The following NOS1AP variants were observed in gnomAD, a reference collection of about 807,000 sequenced individuals.
NOS1AP encodes carboxyl-terminal PDZ ligand of neuronal nitric oxide synthase protein.
Under a neutral mutation model 56.2 loss-of-function variants are expected in NOS1AP, and 21 were observed. That is an observed-to-expected ratio of 0.37 (90% CI 0.26 to 0.54). NOS1AP has a LOEUF of 0.54. Among genes scored for constraint, NOS1AP ranks in the 20% least tolerant of loss-of-function variants. NOS1AP has a pLI of 0.84. For missense variants in NOS1AP, 522 were observed against 657.8 expected (o/e 0.79, Z 2.26); for synonymous variants, 270 against 274.6 (o/e 0.98, Z 0.17).
intron 7 of NOS1AP, 138 bp downstream of exon 7, chr1:162,355,491 C>A: frequency 9.4e-7 from 1 of 1,060,482 alleles, no homozygotes; most frequent in Non-Finnish European, 1.4e-6. Flanking sequence ...CACTTCATTG[C>A]CTTTCAGAAG....
rs1201083078 is a variant in NOS1AP at position 162,367,192 on chromosome 1, G to A, written c.1246G>A (p.Gly416Ser). 1 of 1,613,894 alleles carries A rather than the reference G, an allele frequency of 6.2e-7. No individual in the cohort carries two copies. Among genetic ancestry groups the A allele is most frequent in the Non-Finnish European group, 8.5e-7 (1 of 1,179,970 alleles). The change falls in exon 10 of 10, where the codon GGC becomes AGC. Residue 416 changes from glycine to serine, a missense_variant. Gly to Ser is a moderately conservative substitution (Grantham distance 56). This residue lies in a region of NOS1AP where 160 missense variants were observed against 180.3 expected (regional missense o/e 0.89). Transcript: ENST00000361897. The surrounding 1 kb of genome is among the most constrained non-coding windows in gnomAD (Gnocchi z 6.5). ...CTTGGCTGACTTTGCCCACCCTGCG[G>A]GCAGCCCCTTAGGTAGGCGCGACTG... is the stretch of plus-strand genomic sequence containing the variant. ...AGLADFAHPAGSPLGRRDCLV... is the reference protein window; with the variant it reads ...AGLADFAHPASSPLGRRDCLV...
intron 2 of NOS1AP, among the ~76,000 whole-genome samples, chr1:162,178,550 C>G (rs1055066071): frequency 3.3e-5 from 5 of 152,030 alleles, no homozygotes; most frequent in African/African-American, 9.7e-5. Flanking sequence ...TGAGGAGACT[C>G]AGGCACAGGA....
At chr1:162,092,066 A>C (rs953057591) in intron 1 of NOS1AP, among the ~76,000 whole-genome samples, 1 of 152,224 alleles carries the variant, frequency 6.6e-6, no homozygotes, top group African/African-American at 2.4e-5. Context: ...TGACTAGTTC[A>C]AGGCTGTGGA....
chr1:162,130,372 AC>A (rs780137979), intron 1 of NOS1AP, among the ~76,000 whole-genome samples: 14 of 152,158 alleles, frequency 9.2e-5, no homozygotes, highest in Non-Finnish European at 1.5e-4. Context: ...TTTTTATTTC[AC>A]CCCAGTGGTC....
intron 2 of NOS1AP, among the ~76,000 whole-genome samples, chr1:162,265,141 T>A (rs1397163228): frequency 6.6e-6 from 1 of 152,062 alleles, no homozygotes; most frequent in African/African-American, 2.4e-5. Flanking sequence ...TATCTATATT[T>A]TAAATTCTAT....
At chr1:162,127,764 T>C (rs1159907851) in intron 1 of NOS1AP, among the ~76,000 whole-genome samples, 1 of 152,142 alleles carries the variant, frequency 6.6e-6, no homozygotes, top group Non-Finnish European at 1.5e-5. Context: ...CAGTACCAAA[T>C]GGAATGGTGC....
intron 8 of NOS1AP, chr1:162,364,279 T>C (rs1159082033): frequency 1.0e-6 from 1 of 985,342 alleles, no homozygotes; most frequent in Non-Finnish European, 1.2e-6. Context: ...ATGGTTTTGG[T>C]ACAAGAACAC....
chr1:162,306,963 CAAA>C (rs5778264), intron 4 of NOS1AP, among the ~76,000 whole-genome samples: 1 of 142,130 alleles, frequency 7.0e-6, no homozygotes, highest in Admixed American at 7.0e-5. Flanking sequence ...ACTTTTGTCT[CAAA>C]AAAAAAAAAA....
intron 2 of NOS1AP, among the ~76,000 whole-genome samples, chr1:162,281,123 C>T (rs888885132): frequency 1.3e-5 from 2 of 152,296 alleles, no homozygotes; most frequent in East Asian, 3.9e-4. Context: ...ATAATGACAG[C>T]TCTACAGGAT....
chr1:162,236,364 G>A (rs565401585), intron 2 of NOS1AP, among the ~76,000 whole-genome samples: 2 of 152,242 alleles, frequency 1.3e-5, no homozygotes, highest in South Asian at 4.1e-4. Flanking sequence ...TTACAGATAC[G>A]ATCTCACTTA....
intron 2 of NOS1AP, among the ~76,000 whole-genome samples, chr1:162,210,119 G>T (rs1415997498): frequency 7.9e-5 from 12 of 152,228 alleles, no homozygotes. Context: ...CTGAAAGACT[G>T]ATTATATGGG....
intron 1 of NOS1AP, among the ~76,000 whole-genome samples, chr1:162,140,549 G>T (rs1020685240): frequency 6.6e-6 from 1 of 152,108 alleles, no homozygotes; most frequent in African/African-American, 2.4e-5. Flanking sequence ...GTTCACTGTC[G>T]ATGGACACCT....
rs541232640 is a variant in NOS1AP, at chr1:162,202,195, A to G, written c.177+47719A>G. ...TATATGAAGAAGAAGAATGAATTTC[A>G]TTTTGGATGGGGTAGCTTTACTGAG... On this transcript the variant is annotated intron_variant, in intron 2 of 9. Coordinates refer to ENST00000361897, the MANE Select transcript of NOS1AP (RefSeq NM_014697.3). Among the ~76,000 whole-genome samples the G allele has an allele frequency of 9.8e-5, 15 of 152,294 alleles. No homozygotes were observed. The South Asian group carries it at 2.3e-3, about 23-fold the overall frequency.
intron 4 of NOS1AP, among the ~76,000 whole-genome samples, chr1:162,320,965 G>A (rs1222115566): frequency 6.6e-6 from 1 of 152,092 alleles, no homozygotes; most frequent in East Asian, 1.9e-4. Context: ...TTTGCCAATG[G>A]CCTGGAAGTA....
At chr1:162,288,843 T>G (rs553456544) in intron 3 of NOS1AP, among the ~76,000 whole-genome samples, 1 of 152,342 alleles carries the variant, frequency 6.6e-6, no homozygotes, top group African/African-American at 2.4e-5. Flanking sequence ...CTTTGCTGTG[T>G]GCATGGGCCC....
rs372485646 is a variant in NOS1AP, at chr1:162,154,506, C to T, written c.177+30C>T. 330 of 1,609,904 alleles carry T rather than the reference C, an allele frequency of 2.0e-4. 1 individual carries two copies. The highest frequency in any genetic ancestry group is 1.2e-4 in the Admixed American group (7 of 59,986). On this transcript the variant is annotated intron_variant, in intron 2 of 9. Coordinates refer to ENST00000361897, the MANE Select transcript of NOS1AP (RefSeq NM_014697.3). Reference sequence around the variant, plus strand: ...GTGGCCAGAGGTGGACTGTGTGGAGCGGGGAGTCAAGTGCCTTAGCTGCTG... The same window carrying T: ...GTGGCCAGAGGTGGACTGTGTGGAGTGGGGAGTCAAGTGCCTTAGCTGCTG...
At position 162,188,899 on chromosome 1, in the gene NOS1AP, C is replaced by T. The variant is rs1414254930; in HGVS notation, c.177+34423C>T. The stretch of plus-strand genomic sequence containing the variant: ...AGGAGTATTTTTAGAAACTCCATCT[C>T]TAAAAATACAAAAATTAGCTGGGCA... On this transcript the variant is annotated intron_variant, in intron 2 of 9. Coordinates refer to ENST00000361897, the MANE Select transcript of NOS1AP (RefSeq NM_014697.3). The surrounding 1 kb of genome is among the most constrained non-coding windows in gnomAD (Gnocchi z 4.0). Among the ~76,000 whole-genome samples the T allele has an allele frequency of 1.3e-5, 2 of 151,936 alleles. No individual in the cohort carries two copies. Among genetic ancestry groups the T allele is most frequent in the Non-Finnish European group, 2.9e-5 (2 of 67,974 alleles).
At chr1:162,297,742 T>C (rs1655517229) in intron 3 of NOS1AP, among the ~76,000 whole-genome samples, 1 of 152,160 alleles carries the variant, frequency 6.6e-6, no homozygotes, top group Non-Finnish European at 1.5e-5. Context: ...GGAACCAGAC[T>C]TTTGCTTCTG....
At chr1:162,170,579 G>A (rs1650721519) in intron 2 of NOS1AP, among the ~76,000 whole-genome samples, 1 of 152,184 alleles carries the variant, frequency 6.6e-6, no homozygotes, top group Admixed American at 6.5e-5. Context: ...GGGAAGAAGA[G>A]AAGGAAATTA....
Sources: allele counts gnomAD v4.1 joint callset (sites outside exome capture counted in the v4.1 genomes callset), GRCh38; gene constraint gnomAD v4.1.1; regional missense constraint gnomAD v4.1.1; non-coding constraint Gnocchi (gnomAD v3.1); transcripts MANE v1.5; gene names NCBI Gene and HGNC (gene_info 2026-07-23, HGNC 2026-07-21).